Variants in TNS1 observed in about 807,000 individuals in gnomAD.
TNS1 encodes the protein tensin-1.
A neutral mutation model predicts 168.6 loss-of-function variants in TNS1; 62 were observed. The observed-to-expected ratio is 0.37, with a 90% CI of 0.30 to 0.45. The LOEUF is 0.45. Among genes scored for constraint, TNS1 ranks in the 20% least tolerant of loss-of-function variants. TNS1 has a pLI of 1.00. For missense variants in TNS1, 2,240 were observed against 2,339.4 expected (o/e 0.96, Z 0.88); for synonymous variants, 934 against 933.2 (o/e 1.00, Z -0.02).
intron 3 of TNS1, among the ~76,000 whole-genome samples, chr2:217,954,081 C>T (rs1026389199): frequency 6.6e-6 from 1 of 152,244 alleles, no homozygotes; most frequent in African/African-American, 2.4e-5. Context: ...CAGAAGCTGG[C>T]TTGGGCTAAT....
intron 19 of TNS1, among the ~76,000 whole-genome samples, chr2:217,840,009 C>T (rs1325845374): frequency 6.6e-6 from 1 of 152,214 alleles, no homozygotes; most frequent in Admixed American, 6.5e-5. Flanking sequence ...ACACTACACT[C>T]CCCACCACTG....
At chr2:217,836,795 C>T (rs766095356) in intron 19 of TNS1, among the ~76,000 whole-genome samples, 2 of 152,182 alleles carry the variant, frequency 1.3e-5, no homozygotes, top group Non-Finnish European at 2.9e-5. Context: ...GAACCTCTTA[C>T]CAACTCCCCT....
intron 32 of TNS1, among the ~76,000 whole-genome samples, chr2:217,805,507 C>CA (rs1559131974): frequency 0.22 from 6,037 of 26,932 alleles, 159 homozygotes; most frequent in Non-Finnish European, 0.25. Flanking sequence ...ACACACACCA[C>CA]CACACACACC....
chr2:217,957,125 AC>A, intron 3 of TNS1, among the ~76,000 whole-genome samples: 1 of 152,136 alleles, frequency 6.6e-6, no homozygotes, highest in Admixed American at 6.5e-5. Context: ...CCACGAGGCC[AC>A]CCCCAGGGCG....
In TNS1 at chr2:217,831,533, C is replaced by A. The variant is rs751059536; in HGVS notation, c.3295G>T (p.Gly1099Cys). 1 of 1,535,654 alleles carries A rather than the reference C, an allele frequency of 6.5e-7. No individual in the cohort carries two copies. The highest frequency in any genetic ancestry group is 8.7e-7 in the Non-Finnish European group (1 of 1,145,684). ...PPPSGVRSPP[G>C]LAKTPLSALG... ...GCAGACAGGGGTGTCTTGGCCAGAC[C>A]CGGGGGGGACCGCACTGTGCCAGGA... is the stretch of plus-strand genomic sequence containing the variant. Residue 1099 changes from glycine to cysteine, a missense_variant, in exon 22 of 33, where the codon GGT becomes TGT. By Grantham distance (159) the Gly-to-Cys change is radical. This residue lies in a region of TNS1 where 2,131 missense variants were observed against 2,171.2 expected (regional missense o/e 0.98). Coordinates refer to ENST00000682258, the MANE Select transcript of TNS1 (RefSeq NM_001387777.1).
intron 18 of TNS1, among the ~76,000 whole-genome samples, chr2:217,866,117 T>C (rs1375819606): frequency 6.6e-6 from 1 of 152,156 alleles, no homozygotes; most frequent in Non-Finnish European, 1.5e-5. Context: ...CAGCTAAAAC[T>C]CACCTCTCCA....
At chr2:217,830,448 C>A in intron 22 of TNS1, 1 of 1,596,486 alleles carries the variant, frequency 6.3e-7, no homozygotes, top group Non-Finnish European at 8.5e-7. Context: ...AAACCAGAGT[C>A]CAGGGAGCAG....
chr2:217,972,570 C>T (rs1026399375), intron 3 of TNS1, among the ~76,000 whole-genome samples: 2 of 152,200 alleles, frequency 1.3e-5, no homozygotes, highest in East Asian at 1.9e-4. Flanking sequence ...CTCCTCCCTC[C>T]GCCTCAGTTG....
intron 16 of TNS1, among the ~76,000 whole-genome samples, chr2:217,883,323 G>A (rs1167521157): frequency 1.1e-4 from 16 of 151,480 alleles, no homozygotes; most frequent in African/African-American, 2.2e-4. Context: ...AAAGTGCAGC[G>A]GTGCAATCAT....
intron 3 of TNS1, among the ~76,000 whole-genome samples, chr2:217,940,971 C>A (rs1011433005): frequency 6.6e-6 from 1 of 152,176 alleles, no homozygotes; most frequent in East Asian, 1.9e-4. Flanking sequence ...GCTCCTCCCC[C>A]ACTCACCCTC....
Position 217,848,939 on chromosome 2 carries a change from A to G in TNS1, c.1578T>C (p.Ser526=). The change falls in exon 19 of 33, where the codon TCT becomes TCC. Residue 526 remains serine, a synonymous_variant. Transcript: ENST00000682258. ...TGGAGTTGCCCGAGTCGCTGCTCAC[A>G]GAAAGCGTGTGTTCCACGTGGTTGG... ...ATPNHVEHTL[S]VSSDSGNSTA... is the part of the protein sequence containing the mutation. 1 of 1,614,024 alleles carries G rather than the reference A, an allele frequency of 6.2e-7. No homozygotes were observed. The highest frequency in any genetic ancestry group is 8.5e-7 in the Non-Finnish European group (1 of 1,179,958).
intron 3 of TNS1, among the ~76,000 whole-genome samples, chr2:217,960,933 G>A (rs972444965): frequency 1.3e-5 from 2 of 152,132 alleles, no homozygotes; most frequent in East Asian, 1.9e-4. Flanking sequence ...GTTTCTCCTC[G>A]TGGAAAAAAG....
At chr2:217,830,350 T>C (rs1045837261) in intron 22 of TNS1, 1 of 1,614,110 alleles carries the variant, frequency 6.2e-7, no homozygotes. Flanking sequence ...CACAAATGCA[T>C]GCCACTGCCC....
At chr2:217,873,296 T>C (rs942798680) in intron 18 of TNS1, among the ~76,000 whole-genome samples, 2 of 152,152 alleles carry the variant, frequency 1.3e-5, no homozygotes, top group Non-Finnish European at 2.9e-5. Context: ...ATATCAAAGG[T>C]GTAAAAAGAT....
chr2:217,959,912 C>T (rs1449038302), intron 3 of TNS1, among the ~76,000 whole-genome samples: 1 of 152,082 alleles, frequency 6.6e-6, no homozygotes, highest in African/African-American at 2.4e-5. Flanking sequence ...GATGCCTCGC[C>T]GCTGAGGTCA....
chr2:217,906,533 A>G (rs536291828), intron 5 of TNS1, 148 bp from the exon 6 acceptor site: 1 of 635,730 alleles, frequency 1.6e-6, no homozygotes, highest in South Asian at 1.8e-5. Flanking sequence ...TTCTTTGCCC[A>G]TATCAAGGCC....
intron 1 of TNS1, among the ~76,000 whole-genome samples, chr2:217,998,644 C>T (rs1305606772): frequency 6.6e-6 from 1 of 152,140 alleles, no homozygotes; most frequent in East Asian, 1.9e-4. Flanking sequence ...GGACTACCAG[C>T]GCATACCACC....
chr2:218,001,889 C>T (rs1039820182), intron 1 of TNS1, among the ~76,000 whole-genome samples: 4 of 151,994 alleles, frequency 2.6e-5, no homozygotes, highest in African/African-American at 9.7e-5. Context: ...TGGATCACAG[C>T]CCTGAAGCCC....
At chr2:217,904,714 C>T (rs3791934) in intron 6 of TNS1, among the ~76,000 whole-genome samples, 33,134 of 152,140 alleles carry the variant, frequency 0.22, 4,928 homozygotes, top group African/African-American at 0.42. Flanking sequence ...GGACCAAGGT[C>T]GTGCACACTC....
Sources: gnomAD v4.1 joint callset for allele counts (sites outside exome capture counted in the v4.1 genomes callset) on GRCh38, gnomAD v4.1.1 for gene constraint, gnomAD v4.1.1 regional missense constraint, MANE v1.5 for transcripts, NCBI Gene and HGNC (gene_info 2026-07-23, HGNC 2026-07-21) for gene names.